The following PASD1 variants were observed in gnomAD, a reference collection of about 807,000 sequenced individuals.
PASD1 encodes the protein PAS domain containing repressor 1, also known as circadian clock protein PASD1.
In PASD1, 13 loss-of-function variants were observed where a neutral mutation model predicts 58.8. That is an observed-to-expected ratio of 0.22 (90% CI 0.14 to 0.35). The LOEUF is 0.35. PASD1 is among the 10% of genes least tolerant of loss of function. The pLI is 1.00. For synonymous variants in PASD1, 236 were observed against 216.7 expected (o/e 1.09, Z -0.78); for missense variants, 734 against 568.3 (o/e 1.29, Z -2.96).
rs2014468010 is a variant in PASD1 at position 151,671,487 on chromosome X, A to C, written c.1231-86A>C. The C allele has an allele frequency of 2.0e-5, 21 of 1,049,703 alleles. No homozygotes were observed. In the South Asian group the frequency reaches 3.5e-4, roughly 18 times the overall value. 86.5% of individuals were successfully genotyped at this position (1,049,703 alleles called of 1,213,427 possible). Reference sequence around the variant, plus strand: ...GCTTCCTGTAGGCTTGCCTGTGGGCAGTCCTGCTCCATGCCCAGCTTGTCT... The same window carrying C: ...GCTTCCTGTAGGCTTGCCTGTGGGCCGTCCTGCTCCATGCCCAGCTTGTCT... On this transcript the variant is annotated intron_variant, in intron 12 of 15. Coordinates refer to ENST00000370357, the MANE Select transcript of PASD1 (RefSeq NM_173493.3).
intron 8 of PASD1, among the ~76,000 whole-genome samples, chrX:151,627,200 T>C (rs1267783798): frequency 9.0e-6 from 1 of 111,112 alleles, no homozygotes; most frequent in Non-Finnish European, 1.9e-5. Flanking sequence ...TAAATTTTTA[T>C]TTATTATTTA....
chrX:151,649,301 A>G (rs970864970), intron 9 of PASD1, among the ~76,000 whole-genome samples: 1 of 111,830 alleles, frequency 8.9e-6, no homozygotes, highest in African/African-American at 3.3e-5. Context: ...ATGCCACTCT[A>G]TGGGTATATG....
In PASD1 at chrX:151,621,519, A is replaced by T; in HGVS notation, c.345A>T (p.Gly115=). 1 of 1,206,751 alleles carries T rather than the reference A, an allele frequency of 8.3e-7. No individual in the cohort carries two copies. The highest frequency in any genetic ancestry group is 1.1e-6 in the Non-Finnish European group (1 of 893,078). ...AATTTTGCTGTCATTTAAAAAGAGG[A>T]AATGTCGAACATGGTGATAGTTCTG... ...HIEFCCHLKR[G]NVEHGDSSAY... The change falls in exon 6 of 16, where the codon GGA becomes GGT. Residue 115 remains glycine (G), a synonymous_variant. Transcript: ENST00000370357.
In PASD1 at chrX:151,676,024, G is replaced by T. The variant is rs1242475330; in HGVS notation, c.2203G>T (p.Gly735Ter). ...GCAAGTTTCTGAGGTAGGAGTCGAG[G>T]GACCTCCTGATCCACAGGCTTTCCA... ...QVQVSEVGVEGPPDPQAFQGP... is the reference protein window; with the variant it reads ...QVQVSEVGVE Residue 735 changes from glycine (G) to a stop codon, truncating the protein, a stop_gained, in exon 16 of 16, where the codon GGA becomes TGA. Coordinates refer to ENST00000370357, the MANE Select transcript of PASD1 (RefSeq NM_173493.3). LOFTEE classifies it low-confidence loss of function (END_TRUNC). The T allele has an allele frequency of 5.0e-6, 6 of 1,211,287 alleles. No homozygotes were observed. The highest frequency in any genetic ancestry group is 5.6e-6 in the Non-Finnish European group (5 of 895,039).
intron 11 of PASD1, 33 bp downstream of exon 11, chrX:151,664,381 G>A (rs369479644): frequency 1.8e-5 from 22 of 1,203,449 alleles, no homozygotes; most frequent in Non-Finnish European, 2.0e-5. Flanking sequence ...CTCGCTTCAC[G>A]TTTGTCTGGA....
At chrX:151,611,884 T>C (rs904553920) in intron 4 of PASD1, 131 bp downstream of exon 4, 15 of 418,351 alleles carry the variant, frequency 3.6e-5, no homozygotes, top group Non-Finnish European at 5.3e-5. Flanking sequence ...TTGTTTCATA[T>C]GGATACATGT....
intron 11 of PASD1, among the ~76,000 whole-genome samples, chrX:151,665,472 A>G (rs1472889755): frequency 1.8e-5 from 2 of 112,038 alleles, no homozygotes; most frequent in Admixed American, 9.5e-5. Context: ...GGTGCCATGT[A>G]TCAGCAACCT....
At chrX:151,628,672 G>A (rs1254577810) in intron 8 of PASD1, among the ~76,000 whole-genome samples, 2 of 111,507 alleles carry the variant, frequency 1.8e-5, no homozygotes, top group Non-Finnish European at 3.8e-5. Flanking sequence ...TTGGCAATGC[G>A]GGCTCTTTTT....
chrX:151,614,420 A>G (rs910448093), intron 4 of PASD1, among the ~76,000 whole-genome samples: 2 of 111,796 alleles, frequency 1.8e-5, no homozygotes, highest in Non-Finnish European at 3.8e-5. Flanking sequence ...TTCAATCTGT[A>G]GCAAGGCCTT....
chrX:151,621,089 C>G, intron 5 of PASD1, 60 bp downstream of exon 5: 1 of 733,968 alleles, frequency 1.4e-6, no homozygotes, highest in Non-Finnish European at 2.0e-6. Flanking sequence ...AACAATCGCT[C>G]AATGGATTAA....
chrX:151,625,511 C>A lies in PASD1; in HGVS notation c.610C>A (p.Pro204Thr), dbSNP rs150321315. Residue 204 changes from proline to threonine, a missense_variant, in exon 8 of 16, where the codon CCT becomes ACT. Coordinates refer to ENST00000370357, the MANE Select transcript of PASD1 (RefSeq NM_173493.3). Reference sequence around the variant, plus strand: ...ACTTACACAAGATTCAGATGAGGAACCTTTTGTGGGAGAGCTCAGGTGAGA... The same window carrying A: ...ACTTACACAAGATTCAGATGAGGAAACTTTTGTGGGAGAGCTCAGGTGAGA... ...AVLTQDSDEE[P>T]FVGELSSSQG... 3.3e-6 allele frequency: 4 copies of A among 1,204,169 alleles called. No homozygotes were observed. Among genetic ancestry groups the A allele is most frequent in the Non-Finnish European group, 4.5e-6 (4 of 889,643 alleles).
chrX:151,624,469 G>C (rs2013758612), intron 7 of PASD1, among the ~76,000 whole-genome samples: 1 of 111,637 alleles, frequency 9.0e-6, no homozygotes, highest in Non-Finnish European at 1.9e-5. Context: ...CCTGTGTTCA[G>C]ATCCTTTCCC....
chrX:151,587,193 C>G (rs981334740), intron 1 of PASD1, among the ~76,000 whole-genome samples: 2 of 104,495 alleles, frequency 1.9e-5, no homozygotes, highest in Admixed American at 2.1e-4. Context: ...CCTTTTAAAT[C>G]TGACTTTGTT....
intron 9 of PASD1, among the ~76,000 whole-genome samples, chrX:151,652,129 AG>A (rs2014135326): frequency 8.9e-6 from 1 of 112,259 alleles, no homozygotes; most frequent in Admixed American, 9.5e-5. Context: ...TGGATTCATC[AG>A]TTAACAAAAC....
chrX:151,566,792 C>T (rs1033342780), intron 1 of PASD1, among the ~76,000 whole-genome samples: 22 of 111,024 alleles, frequency 2.0e-4, no homozygotes, highest in Non-Finnish European at 3.2e-4. Flanking sequence ...TTTGTCCGGA[C>T]GCGGTGGCTC....
At chrX:151,590,414 C>T (rs1466630436) in intron 1 of PASD1, among the ~76,000 whole-genome samples, 2 of 111,166 alleles carry the variant, frequency 1.8e-5, no homozygotes, top group African/African-American at 3.3e-5. Flanking sequence ...AATTCTTGCT[C>T]CTCAGCCTGG....
rs757004997 is a variant in PASD1, at chrX:151,594,799, T to C, written c.-27-6728T>C. Among the ~76,000 whole-genome samples the C allele has an allele frequency of 3.6e-5, 4 of 111,543 alleles. No homozygotes were observed. The South Asian group carries it at 1.5e-3, about 43-fold the overall frequency. ...GGGATCATTTTCCTTCTACCTGAAG[T>C]ACTTCCTTTAATATTTCTATTAAAG... is the stretch of plus-strand genomic sequence containing the variant. On this transcript the variant is annotated intron_variant, in intron 1 of 15. Transcript: ENST00000370357.
chrX:151,569,484 C>T (rs1378173861), intron 1 of PASD1, among the ~76,000 whole-genome samples: 4 of 111,878 alleles, frequency 3.6e-5, no homozygotes, highest in Non-Finnish European at 5.6e-5. Flanking sequence ...AATGATTGTA[C>T]TTTAAGGTGA....
chrX:151,673,015 G>A lies in PASD1; in HGVS notation c.1916+354G>A, dbSNP rs1212882075. The A allele has an allele frequency of 2.1e-4, 34 of 162,028 alleles. No homozygotes were observed. In the Admixed American group the frequency reaches 2.4e-3, roughly 11 times the overall value. 13.4% of individuals were successfully genotyped at this position (162,028 alleles called of 1,213,427 possible). A position where few individuals can be genotyped will look rare whatever the true frequency, so the allele number is the denominator to read the frequency against. ...TCTATGGACAAGTCTTGTGCCCATA[G>A]CTGAAAGACTTCTGGGCTTCCAGTT... On this transcript the variant is annotated intron_variant, in intron 14 of 15. Coordinates refer to ENST00000370357, the MANE Select transcript of PASD1 (RefSeq NM_173493.3).
Sources: gnomAD v4.1 joint callset for allele counts (sites outside exome capture counted in the v4.1 genomes callset) on GRCh38, gnomAD v4.1.1 for gene constraint, MANE v1.5 for transcripts, NCBI Gene and HGNC (gene_info 2026-07-23, HGNC 2026-07-21) for gene names.